ENTPD1: variants seen among roughly 807,000 people sequenced by gnomAD.
The protein encoded by ENTPD1 is ectonucleoside triphosphate diphosphohydrolase 1, also known as ATP diphosphohydrolase.
In ENTPD1, 33 loss-of-function variants were observed where a neutral mutation model predicts 57.0. The observed-to-expected ratio is 0.58, with a 90% CI of 0.44 to 0.77. ENTPD1 has a LOEUF of 0.77. Ranked by LOEUF, ENTPD1 falls within the 30% of genes least tolerant of loss-of-function variation. ENTPD1 has a pLI of 0.00. For missense variants in ENTPD1, 501 were observed against 603.4 expected (o/e 0.83, Z 1.78); for synonymous variants, 202 against 218.8 (o/e 0.92, Z 0.68).
In ENTPD1 at chr10:95,869,136, C is replaced by CT; in HGVS notation, c.*2754dup. On this transcript the variant is annotated 3_prime_UTR_variant, in exon 10 of 10. Coordinates refer to ENST00000371205, the MANE Select transcript of ENTPD1 (RefSeq NM_001776.6). ...ACCCAGGACTCAAAACTTGGTTCTG[C>CT]TAACCCTGTTCCTTTATGAGGAACC... is the stretch of plus-strand genomic sequence containing the variant. The CT allele has an allele frequency of 1.0e-6, 1 of 984,876 alleles. No individual in the cohort carries two copies. Among genetic ancestry groups the CT allele is most frequent in the Non-Finnish European group, 1.2e-6 (1 of 829,880 alleles). The allele number at this position is 984,876 out of a possible 1,614,324, so 61.0% of individuals were successfully genotyped here. A position where few individuals can be genotyped will look rare whatever the true frequency, so the allele number is the denominator to read the frequency against.
rs568568857 is a variant in ENTPD1 at position 95,767,953 on chromosome 10, G to C, written c.16+11698G>C. Among the ~76,000 whole-genome samples, 5 of 152,328 alleles carry C rather than the reference G, an allele frequency of 3.3e-5. No homozygotes were observed. The East Asian group carries it at 9.6e-4, about 29-fold the overall frequency. ...GAATGGATCAATGCCAATAATAAAA[G>C]GACTTGAAGCTGTGAGTTTGTTCTC... On this transcript the variant is annotated intron_variant, in intron 1 of 9. Transcript: ENST00000371205.
chr10:95,868,217 T>C lies in ENTPD1; in HGVS notation c.*1834T>C. On this transcript the variant is annotated 3_prime_UTR_variant, in exon 10 of 10. Coordinates refer to ENST00000371205, the MANE Select transcript of ENTPD1 (RefSeq NM_001776.6). The stretch of plus-strand genomic sequence containing the variant: ...AATGGCTGAGCCAAAGCCTACCATG[T>C]ACCTAACCTTTATTTTCTTTCCCGA... 2.0e-6 allele frequency: 2 copies of C among 985,498 alleles called. No homozygotes were observed. Among genetic ancestry groups the C allele is most frequent in the Middle Eastern group, 5.2e-4 (1 of 1,916 alleles). The allele number at this position is 985,498 out of a possible 1,614,324, so 61.0% of individuals were successfully genotyped here.
At chr10:95,811,264 G>T (rs944946269) in intron 1 of ENTPD1, among the ~76,000 whole-genome samples, 1 of 152,228 alleles carries the variant, frequency 6.6e-6, no homozygotes, top group African/African-American at 2.4e-5. Context: ...AAGAAAGAAT[G>T]AATGGGAACC....
At chr10:95,751,259 T>C (rs1444873050), upstream of ENTPD1, among the ~76,000 whole-genome samples, 1 of 152,146 alleles carries the variant, frequency 6.6e-6, no homozygotes, top group South Asian at 2.1e-4. Context: ...TGAGAGAGTA[T>C]GCACTATGGC....
chr10:95,767,366 C>T (rs1467993983), intron 1 of ENTPD1, among the ~76,000 whole-genome samples: 2 of 150,106 alleles, frequency 1.3e-5, no homozygotes, highest in African/African-American at 2.4e-5. Context: ...CATTCCTGAG[C>T]TTAAATTTAT....
At chr10:95,736,914 AC>A (rs1363139405) in intron 1 of ENTPD1, among the ~76,000 whole-genome samples, 2 of 152,232 alleles carry the variant, frequency 1.3e-5, no homozygotes, top group African/African-American at 4.8e-5. Context: ...GACACTAAAA[AC>A]AATGCTATAA....
chr10:95,780,619 C>A (rs1243228736), intron 1 of ENTPD1, among the ~76,000 whole-genome samples: 3 of 152,144 alleles, frequency 2.0e-5, no homozygotes, highest in Non-Finnish European at 2.9e-5. Flanking sequence ...AAGTTCTTTG[C>A]AAATGGAAGA....
At chr10:95,847,253 C>A in intron 6 of ENTPD1, 193 bp from the exon 7 acceptor site, 1 of 654,634 alleles carries the variant, frequency 1.5e-6, no homozygotes, top group Non-Finnish European at 2.7e-6. Context: ...ATATCTGATA[C>A]CACTTCTGGT....
chr10:95,706,438 A>G, the ENTPD1 span, among the ~76,000 whole-genome samples: 3 of 152,180 alleles, frequency 2.0e-5, no homozygotes, highest in Non-Finnish European at 4.4e-5. Flanking sequence ...CAGATCCTCC[A>G]GTCAAGTGTT....
intron 1 of ENTPD1, among the ~76,000 whole-genome samples, chr10:95,747,596 G>A (rs1674753366): frequency 6.6e-6 from 1 of 152,130 alleles, no homozygotes; most frequent in South Asian, 2.1e-4. Flanking sequence ...CAATTTATGT[G>A]GTTCCTGCTT....
At chr10:95,779,009 C>G (rs1040375078) in intron 1 of ENTPD1, among the ~76,000 whole-genome samples, 4 of 152,184 alleles carry the variant, frequency 2.6e-5, no homozygotes, top group Non-Finnish European at 4.4e-5. Context: ...CACAGACCAG[C>G]CAAATCCACA....
chr10:95,802,995 C>G (rs866065616), intron 1 of ENTPD1, among the ~76,000 whole-genome samples: 2 of 152,082 alleles, frequency 1.3e-5, no homozygotes, highest in South Asian at 4.1e-4. Context: ...TAGCATGATG[C>G]CTCCAGCTTT....
chr10:95,701,276 A>C, the ENTPD1 span, among the ~76,000 whole-genome samples: 1 of 152,354 alleles, frequency 6.6e-6, no homozygotes, highest in South Asian at 2.1e-4. Flanking sequence ...GCCGGGCAAC[A>C]TAGTGAGACC....
intron 1 of ENTPD1, among the ~76,000 whole-genome samples, chr10:95,727,600 G>GTA (rs1004666563): frequency 3.9e-5 from 6 of 152,164 alleles, no homozygotes; most frequent in Non-Finnish European, 5.9e-5. Context: ...TGAGATCAAT[G>GTA]TTTTAACTCC....
Position 95,860,465 on chromosome 10 carries a change from G to A in ENTPD1, c.1075-4G>A, listed in dbSNP as rs745524808. On this transcript the variant is annotated splice_polypyrimidine_tract_variant and splice_region_variant and intron_variant, in intron 7 of 9. Coordinates refer to ENST00000371205, the MANE Select transcript of ENTPD1 (RefSeq NM_001776.6). ...CAGCCTAAAACTGCGATTTTCTCTT[G>A]TAGGCATTTTCAGCTTTTTACTTTG... 9 of 1,611,388 alleles carry A rather than the reference G, an allele frequency of 5.6e-6. No homozygotes were observed. The highest frequency in any genetic ancestry group is 1.7e-4 in the Middle Eastern group (1 of 6,046).
At position 95,725,119 on chromosome 10, in the gene ENTPD1, T is replaced by G. The variant is rs115785909; in HGVS notation, c.37+13126T>G. ...TTAACTGATTCCTTATTCTGATACT[T>G]TCAATCTATTATACTTTTGGGCCCA... On this transcript the variant is annotated intron_variant, in intron 1 of 9. Transcript: ENST00000453258. Among the ~76,000 whole-genome samples the G allele has an allele frequency of 2.9e-3, 343 of 117,802 alleles. 1 individual carries two copies. Among genetic ancestry groups the G allele is most frequent in the African/African-American group, 9.6e-3 (310 of 32,354 alleles). 77.3% of individuals were successfully genotyped at this position (117,802 alleles called of 152,430 possible).
chr10:95,866,046 T>G, intron 9 of ENTPD1, 131 bp from the exon 10 acceptor site: 2 of 1,302,496 alleles, frequency 1.5e-6, no homozygotes, highest in Admixed American at 2.0e-5. Context: ...ATTACAGGCA[T>G]GAGCCACTGT....
chr10:95,800,384 AG>A (rs2098244113), intron 1 of ENTPD1, among the ~76,000 whole-genome samples: 1 of 152,172 alleles, frequency 6.6e-6, no homozygotes, highest in South Asian at 2.1e-4. Context: ...AAAGGTCACA[AG>A]GCAAGGCAAA....
At position 95,873,324 on chromosome 10, in the gene ENTPD1, T is replaced by C; in HGVS notation, c.*6941T>C. 1 of 985,508 alleles carries C rather than the reference T, an allele frequency of 1.0e-6. No homozygotes were observed. The highest frequency in any genetic ancestry group is 1.2e-6 in the Non-Finnish European group (1 of 829,974). The allele number at this position is 985,508 out of a possible 1,614,324, so 61.0% of individuals were successfully genotyped here. Reference sequence around the variant, plus strand: ...GTATTTACAAAGCTCACTCCTCTTATACAACAATCCAAGTGTTTCTTTTGT... The same window carrying C: ...GTATTTACAAAGCTCACTCCTCTTACACAACAATCCAAGTGTTTCTTTTGT... On this transcript the variant is annotated 3_prime_UTR_variant, in exon 10 of 10. Transcript: ENST00000371205.
Sources: allele counts gnomAD v4.1 joint callset (sites outside exome capture counted in the v4.1 genomes callset), GRCh38; gene constraint gnomAD v4.1.1; transcripts MANE v1.5; gene names NCBI Gene and HGNC (gene_info 2026-07-23, HGNC 2026-07-21).